Variants in TTC13 observed in about 807,000 individuals in gnomAD.
TTC13 encodes the protein tetratricopeptide repeat protein 13.
Under a neutral mutation model 120.0 loss-of-function variants are expected in TTC13, and 62 were observed. The observed-to-expected ratio is 0.52, with a 90% CI of 0.42 to 0.64. TTC13 has a LOEUF of 0.64. TTC13 is among the 30% of genes least tolerant of loss of function. The probability of loss-of-function intolerance (pLI) is 0.00; values close to 1 mark genes in which losing one functional copy is unlikely to be tolerated. For missense variants in TTC13, 824 were observed against 1,050.2 expected, an observed-to-expected ratio of 0.78 and a Z score of 2.98; for synonymous variants, 384 against 393.5, an observed-to-expected ratio of 0.98 and a Z score of 0.28.
Position 230,944,452 on chromosome 1 carries a change from GGCAGCT to G in TTC13, c.580-560_580-555del, listed in dbSNP as rs1674800355. ...TTTTAAAAGATGAGAATTAGGAAGA[GGCAGCT>G]CTGAACTTTACTACTGCAACTTCAA... is the stretch of plus-strand genomic sequence containing the variant. On this transcript the variant is annotated intron_variant, in intron 5 of 22. Transcript: ENST00000366661. The surrounding 1 kb of genome is among the most constrained non-coding windows in gnomAD (Gnocchi z 4.0). Among the ~76,000 whole-genome samples the G allele has an allele frequency of 2.0e-5, 3 of 152,086 alleles. No homozygotes were observed. The highest frequency in any genetic ancestry group is 7.2e-5 in the African/African-American group (3 of 41,396).
intron 14 of TTC13, among the ~76,000 whole-genome samples, chr1:230,924,335 G>T (rs910960715): frequency 7.9e-5 from 12 of 151,112 alleles, no homozygotes; most frequent in Admixed American, 6.6e-4. Context: ...CAATCAATTC[G>T]TTTTTTTTGT....
At chr1:230,968,186 G>GC (rs1426512765) in intron 1 of TTC13, among the ~76,000 whole-genome samples, 4 of 44,966 alleles carry the variant, frequency 8.9e-5, no homozygotes, top group African/African-American at 1.9e-4. Flanking sequence ...TATGGTGGTG[G>GC]GGGGGGGGCC....
chr1:230,908,483 C>T, intron 22 of TTC13: 1 of 549,284 alleles, frequency 1.8e-6, no homozygotes, highest in Non-Finnish European at 3.3e-6. Flanking sequence ...AGCTACTGTG[C>T]CTGGCCTTCA....
At chr1:230,925,851 C>T (rs986778617) in intron 12 of TTC13, among the ~76,000 whole-genome samples, 15 of 152,220 alleles carry the variant, frequency 9.9e-5, no homozygotes, top group African/African-American at 3.1e-4. Flanking sequence ...ATTGCCATCA[C>T]ATGCTGGTTA....
At position 230,924,960 on chromosome 1, in the gene TTC13, G is replaced by A. The variant is rs769592484; in HGVS notation, c.1602C>T (p.Ala534=). 10 of 1,614,066 alleles carry A rather than the reference G, an allele frequency of 6.2e-6. No homozygotes were observed. Among genetic ancestry groups the A allele is most frequent in the Middle Eastern group, 1.6e-4 (1 of 6,062 alleles). ...NKRIHRAMGL[A]ALEVMQAVQR... Reference sequence around the variant, plus strand: ...GCACGGCTTGCATGACCTCCAATGCGGCCAAACCCATAGCTACGAGAAAGG... The same window carrying A: ...GCACGGCTTGCATGACCTCCAATGCAGCCAAACCCATAGCTACGAGAAAGG... The change falls in exon 14 of 23, where the codon GCC becomes GCT. Residue 534 remains alanine (A), a synonymous_variant. Coordinates refer to ENST00000366661, the MANE Select transcript of TTC13 (RefSeq NM_024525.5).
intron 1 of TTC13, among the ~76,000 whole-genome samples, chr1:230,961,721 G>T (rs914908635): frequency 6.6e-6 from 1 of 152,188 alleles, no homozygotes; most frequent in Non-Finnish European, 1.5e-5. Context: ...GTTAAATGAG[G>T]TTTAAATAGG....
intron 1 of TTC13, among the ~76,000 whole-genome samples, chr1:230,972,932 C>T (rs577325613): frequency 1.3e-5 from 2 of 152,168 alleles, no homozygotes; most frequent in Non-Finnish European, 2.9e-5. Context: ...GCCACAGGGG[C>T]CAGGATGTGG....
chr1:230,966,551 C>T (rs1677150016), intron 1 of TTC13, among the ~76,000 whole-genome samples: 1 of 152,130 alleles, frequency 6.6e-6, no homozygotes, highest in African/African-American at 2.4e-5. Context: ...ACTATGTTCC[C>T]ATCACTGTGT....
chr1:230,924,385 T>G (rs1307346890), intron 14 of TTC13, among the ~76,000 whole-genome samples: 1 of 152,188 alleles, frequency 6.6e-6, no homozygotes, highest in Non-Finnish European at 1.5e-5. Flanking sequence ...CAGGCTGGAG[T>G]GCAGTGGCGC....
rs748856539 is a variant in TTC13 at position 230,916,200 on chromosome 1, C to T, written c.2086G>A (p.Gly696Arg). The T allele has an allele frequency of 6.2e-7, 1 of 1,612,266 alleles. No homozygotes were observed. Among genetic ancestry groups the T allele is most frequent in the Non-Finnish European group, 8.5e-7 (1 of 1,178,284 alleles). Residue 696 changes from glycine to arginine, a missense_variant, in exon 18 of 23, where the codon GGA becomes AGA. By Grantham distance (125) the Gly-to-Arg change is moderately radical. Transcript: ENST00000366661. ...EYDGFTITIT[G>R]DKVGNILFSV... ...ATTAAGAAGCGCACATACTTGTCTC[C>T]TGTAATCGTGATTGTGAATCCATCA...
intron 2 of TTC13, among the ~76,000 whole-genome samples, chr1:230,959,485 G>A (rs1373292281): frequency 2.0e-5 from 3 of 152,134 alleles, no homozygotes; most frequent in East Asian, 1.9e-4. Flanking sequence ...GGGTTCAAGC[G>A]ATTCTCCTGC....
chr1:230,906,920 A>AC lies in TTC13; in HGVS notation c.2567dup (p.Cys856TrpfsTer3). 6.6e-7 allele frequency: 1 copy of AC among 1,508,408 alleles called. No individual in the cohort carries two copies. The highest frequency in any genetic ancestry group is 8.8e-7 in the Non-Finnish European group (1 of 1,134,824). The allele number at this position is 1,508,408 out of a possible 1,614,324, so 93.4% of individuals were successfully genotyped here. On this transcript the variant is annotated frameshift_variant, in exon 23 of 23. Transcript: ENST00000366661. LOFTEE classifies it high-confidence loss of function. The stretch of plus-strand genomic sequence containing the variant: ...AGCAGCAGAACTAGAGTTTCTTAAG[A>AC]CAACGTGGAGAAGAGTCTGTGTTTA...
chr1:230,974,831 C>G (rs1031437640), intron 1 of TTC13, among the ~76,000 whole-genome samples: 4 of 152,116 alleles, frequency 2.6e-5, no homozygotes, highest in Non-Finnish European at 1.5e-5. Context: ...TCCTGCAGTT[C>G]AAAACACTAG....
Position 230,931,240 on chromosome 1 carries a change from TA to T in TTC13, c.1300+57del. On this transcript the variant is annotated intron_variant, in intron 11 of 22. Coordinates refer to ENST00000366661, the MANE Select transcript of TTC13 (RefSeq NM_024525.5). ...TACGAAACATAAAAGAGTCAAGCAA[TA>T]TGATTTCTACAGCTTTGAGCATGAA... 6.4e-6 allele frequency: 10 copies of T among 1,566,118 alleles called. No homozygotes were observed. In the South Asian group the frequency reaches 1.2e-4, roughly 18 times the overall value.
chr1:230,945,711 G>T (rs1177415949), intron 4 of TTC13, among the ~76,000 whole-genome samples: 5 of 152,120 alleles, frequency 3.3e-5, no homozygotes, highest in Non-Finnish European at 7.4e-5. Context: ...AAACATGCTG[G>T]TTTCTTTCAC....
chr1:230,948,662 A>AT (rs1289759457), intron 4 of TTC13, among the ~76,000 whole-genome samples: 1 of 151,926 alleles, frequency 6.6e-6, no homozygotes, highest in South Asian at 2.1e-4. Flanking sequence ...TAATTTTAAA[A>AT]TTTTTTTGTT....
At chr1:230,971,802 G>C (rs192042619) in intron 1 of TTC13, among the ~76,000 whole-genome samples, 13 of 152,266 alleles carry the variant, frequency 8.5e-5, no homozygotes, top group South Asian at 6.2e-4. Flanking sequence ...ACAGAAGAAG[G>C]ATGCCTTAAC....
rs768592364 is a variant in TTC13 at position 230,942,620 on chromosome 1, A to G, written c.672+1186T>C. On this transcript the variant is annotated intron_variant, in intron 6 of 22. Transcript: ENST00000366661. The surrounding 1 kb of genome is among the most constrained non-coding windows in gnomAD (Gnocchi z 4.0). ...TTCTTTAGTTCAACTATGAGATCAT[A>G]TCAGATGATTAAAAGTTGTTTTATT... 1.3e-5 allele frequency among the ~76,000 whole-genome samples: 2 copies of G among 152,266 alleles called. No individual in the cohort carries two copies. The highest frequency in any genetic ancestry group is 2.9e-5 in the Non-Finnish European group (2 of 68,038).
rs115988962 is a variant in TTC13 at position 230,962,368 on chromosome 1, T to C, written c.272-1065A>G. Among the ~76,000 whole-genome samples, 1,131 of 152,184 alleles carry C rather than the reference T, an allele frequency of 7.4e-3. 10 individuals are homozygous for C. Among genetic ancestry groups the C allele is most frequent in the African/African-American group, 0.025 (1,054 of 41,494 alleles). On this transcript the variant is annotated intron_variant, in intron 1 of 22. Transcript: ENST00000366661. ...GCTCAACATCATTACTAATTACTAC[T>C]TAGGGAAATGTAAATCAAACCACAA...
Sources: allele counts gnomAD v4.1 joint callset (sites outside exome capture counted in the v4.1 genomes callset), GRCh38; gene constraint gnomAD v4.1.1; non-coding constraint Gnocchi (gnomAD v3.1); transcripts MANE v1.5; gene names NCBI Gene and HGNC (gene_info 2026-07-23, HGNC 2026-07-21).